NDUFA1: variants seen among roughly 807,000 people sequenced by gnomAD.
The protein encoded by NDUFA1 is NADH:ubiquinone oxidoreductase subunit A1, also known as NADH dehydrogenase [ubiquinone] 1 alpha subcomplex subunit 1.
For missense variants in NDUFA1, 42 were observed against 56.0 expected, an observed-to-expected ratio of 0.75 and a Z score of 0.80; for synonymous variants, 21 against 20.0, an observed-to-expected ratio of 1.05 and a Z score of -0.14.
chrX:119,873,683 A>C (rs746541894), intron 2 of NDUFA1, among the ~76,000 whole-genome samples: 329 of 105,039 alleles, frequency 3.1e-3, no homozygotes, highest in Non-Finnish European at 5.0e-3. Flanking sequence ...TTTTTTGTCT[A>C]TTTTATATAT....
Position 119,873,337 on chromosome X carries a change from A to G in NDUFA1, c.136A>G (p.Ser46Gly). The change falls in exon 2 of 3, where the codon AGT (serine) becomes GGT (glycine). Residue 46 changes from serine (S) to glycine (G), a missense_variant. By Grantham distance (56) the Ser-to-Gly change is moderately conservative. Coordinates refer to ENST00000371437, the MANE Select transcript of NDUFA1 (RefSeq NM_004541.4). Reference sequence around the variant, plus strand: ...GGTTGCTCATTTTGGGTATCACTGGAGTCTGATGGAAAGAGATAGGCGCAT... The same window carrying G: ...GGTTGCTCATTTTGGGTATCACTGGGGTCTGATGGAAAGAGATAGGCGCAT... ...KRVAHFGYHWSLMERDRRISG... is the reference protein window; with the variant it reads ...KRVAHFGYHWGLMERDRRISG... The G allele has an allele frequency of 8.3e-7, 1 of 1,210,596 alleles. No individual in the cohort carries two copies. The highest frequency in any genetic ancestry group is 1.1e-6 in the Non-Finnish European group (1 of 894,855).
intron 2 of NDUFA1, among the ~76,000 whole-genome samples, chrX:119,876,170 A>C (rs1445343379): frequency 4.8e-5 from 5 of 103,588 alleles, no homozygotes; most frequent in African/African-American, 1.1e-4. Context: ...GCATCACTGC[A>C]CTCCAGCCTG....
intron 2 of NDUFA1, among the ~76,000 whole-genome samples, chrX:119,874,164 C>T (rs2056427214): frequency 9.2e-6 from 1 of 108,832 alleles, no homozygotes; most frequent in Non-Finnish European, 1.9e-5. Flanking sequence ...TTTAGTAGTC[C>T]TAGCTACTCA....
chrX:119,873,322 T>C lies in NDUFA1; in HGVS notation c.121T>C (p.Phe41Leu). 8.3e-7 allele frequency: 1 copy of C among 1,209,853 alleles called. No individual in the cohort carries two copies. Among genetic ancestry groups the C allele is most frequent in the Non-Finnish European group, 1.1e-6 (1 of 894,142 alleles). Residue 41 changes from phenylalanine to leucine, a missense_variant, in exon 2 of 3, where the codon TTT becomes CTT. By Grantham distance (22) the Phe-to-Leu change is conservative. Transcript: ENST00000371437. ...NGGKEKRVAH[F>L]GYHWSLMERD... ...TTTGAAGGAAAAAAGGGTTGCTCAT[T>C]TTGGGTATCACTGGAGTCTGATGGA...
At chrX:119,873,187 A>G in intron 1 of NDUFA1, 117 bp from the exon 2 acceptor site, 3 of 576,344 alleles carry the variant, frequency 5.2e-6, no homozygotes, top group East Asian at 7.0e-5. Flanking sequence ...ACTAATTTGC[A>G]TTTTTATTTA....
In NDUFA1 at chrX:119,876,600, T is replaced by TAC. The variant is rs2056438191; in HGVS notation, c.*68_*69dup. 17 of 994,544 alleles carry TAC rather than the reference T, an allele frequency of 1.7e-5. No homozygotes were observed. The highest frequency in any genetic ancestry group is 2.4e-5 in the Non-Finnish European group (17 of 697,900). The allele number at this position is 994,544 out of a possible 1,213,427, so 82.0% of individuals were successfully genotyped here. On this transcript the variant is annotated 3_prime_UTR_variant, in exon 3 of 3. Coordinates refer to ENST00000371437, the MANE Select transcript of NDUFA1 (RefSeq NM_004541.4). ...TGGCCATCTACCCCTGCTAGAAGGTTACAGTGTATTATGTAGCATGCAATG... is the reference window on the plus strand; with the variant it reads ...TGGCCATCTACCCCTGCTAGAAGGTTACACAGTGTATTATGTAGCATGCAATG...
At chrX:119,875,317 C>CTTTTTTTTTTTTTTTTTTTT (rs61235666) in intron 2 of NDUFA1, among the ~76,000 whole-genome samples, 10 of 59,621 alleles carry the variant, frequency 1.7e-4, no homozygotes, top group African/African-American at 7.4e-4. Context: ...ACTGATGAGT[C>CTTTTTTTTTTTTTTTTTTTT]TTTTTTTTTT....
Position 119,875,317 on chromosome X carries a change from C to CTTTTTTTTTTTT in NDUFA1, c.193-1183_193-1172dup, listed in dbSNP as rs61235666. ...AGAAGAAGTGTCATCACTGATGAGT[C>CTTTTTTTTTTTT]TTTTTTTTTTTTTTTTTTTTTTTTT... On this transcript the variant is annotated intron_variant, in intron 2 of 2. Coordinates refer to ENST00000371437, the MANE Select transcript of NDUFA1 (RefSeq NM_004541.4). 1.3e-4 allele frequency among the ~76,000 whole-genome samples: 8 copies of CTTTTTTTTTTTT among 59,638 alleles called. 1 individual carries two copies. Among genetic ancestry groups the CTTTTTTTTTTTT allele is most frequent in the African/African-American group, 5.2e-4 (7 of 13,515 alleles). The allele number at this position is 59,638 out of a possible 115,157, so 51.8% of individuals were successfully genotyped here.
chrX:119,876,237 G>T (rs1382814980), intron 2 of NDUFA1, among the ~76,000 whole-genome samples: 1 of 108,590 alleles, frequency 9.2e-6, no homozygotes, highest in Non-Finnish European at 1.9e-5. Context: ...AGGTGGTAAA[G>T]AGTTGCTTGA....
rs142985626 is a variant in NDUFA1, at chrX:119,874,080, A to G, written c.192+687A>G. ...ACATCTACAGGTCATTTTGGAGTAT[A>G]ATGTGAAAGGAGGATTAACTTTACT... On this transcript the variant is annotated intron_variant, in intron 2 of 2. Transcript: ENST00000371437. Among the ~76,000 whole-genome samples, 20 of 111,129 alleles carry G rather than the reference A, an allele frequency of 1.8e-4. No homozygotes were observed. The East Asian group carries it at 5.6e-3, about 31-fold the overall frequency.
intron 2 of NDUFA1, among the ~76,000 whole-genome samples, chrX:119,874,855 C>T (rs1481061027): frequency 8.9e-6 from 1 of 112,448 alleles, no homozygotes; most frequent in African/African-American, 3.2e-5. Context: ...TGAGCCCCTA[C>T]TCCTGGCCCT....
At position 119,871,853 on chromosome X, in the gene NDUFA1, A is replaced by G. The variant is rs1418446494; in HGVS notation, c.-59A>G. The G allele has an allele frequency of 6.9e-6, 8 of 1,163,081 alleles. No individual in the cohort carries two copies. In the South Asian group the frequency reaches 1.4e-4, roughly 21 times the overall value. On this transcript the variant is annotated 5_prime_UTR_variant, in exon 1 of 3. Transcript: ENST00000371437. ...CGGGGCTTGCTGGGAAGAGAGGCGA[A>G]GCCAGGTCACCTTTCAAGGACCCAG...
At chrX:119,876,142 T>G (rs968352125) in intron 2 of NDUFA1, among the ~76,000 whole-genome samples, 1 of 108,366 alleles carries the variant, frequency 9.2e-6, no homozygotes, top group African/African-American at 3.4e-5. Context: ...GAGATGCAGG[T>G]TGCAGTGAGG....
chrX:119,872,769 C>T (rs1446057824), intron 1 of NDUFA1, among the ~76,000 whole-genome samples: 1 of 106,042 alleles, frequency 9.4e-6, no homozygotes, highest in East Asian at 3.0e-4. Flanking sequence ...ATCCACCCGC[C>T]TTGATCTCCC....
At chrX:119,873,779 A>G (rs918669379) in intron 2 of NDUFA1, among the ~76,000 whole-genome samples, 3 of 110,648 alleles carry the variant, frequency 2.7e-5, no homozygotes, top group Non-Finnish European at 5.7e-5. Context: ...TCAATGTATC[A>G]TGTTTTGTTG....
intron 2 of NDUFA1, among the ~76,000 whole-genome samples, chrX:119,875,934 G>A (rs1255400951): frequency 2.7e-5 from 3 of 111,096 alleles, no homozygotes; most frequent in East Asian, 2.8e-4. Context: ...GCCAGGCATA[G>A]TGGCTCACAC....
intron 2 of NDUFA1, 151 bp downstream of exon 2, chrX:119,873,544 T>G (rs1238445259): frequency 2.5e-6 from 1 of 402,547 alleles, no homozygotes; most frequent in African/African-American, 2.7e-5. Context: ...TCTTTTATAT[T>G]TCTTTTTTTT....
intron 2 of NDUFA1, 112 bp from the exon 3 acceptor site, chrX:119,876,402 G>A: frequency 1.3e-6 from 1 of 761,925 alleles, no homozygotes; most frequent in Non-Finnish European, 2.1e-6. Context: ...GTGGGATGTG[G>A]AAGCACTCTT....
At chrX:119,873,486 A>T (rs745537485) in intron 2 of NDUFA1, 93 bp downstream of exon 2, 18 of 640,797 alleles carry the variant, frequency 2.8e-5, no homozygotes, top group Admixed American at 2.1e-4. Flanking sequence ...ATATATAACT[A>T]GCATTTTCTT....
Sources: gnomAD v4.1 joint callset for allele counts (sites outside exome capture counted in the v4.1 genomes callset) on GRCh38, gnomAD v4.1.1 for gene constraint, MANE v1.5 for transcripts, NCBI Gene and HGNC (gene_info 2026-07-23, HGNC 2026-07-21) for gene names.